APLF: variants seen among roughly 807,000 people sequenced by gnomAD.
APLF encodes aprataxin and PNKP like factor, also known as aprataxin and PNK-like factor.
A neutral mutation model predicts 55.6 loss-of-function variants in APLF; 61 were observed. The observed-to-expected ratio is 1.10, with a 90% CI of 0.89 to 1.36. The LOEUF is 1.36. Among genes scored for constraint, APLF ranks in the 40% most tolerant of loss-of-function variants. The pLI is 0.00. For missense variants in APLF, 611 were observed against 602.5 expected (o/e 1.01, Z -0.15); for synonymous variants, 207 against 214.8 (o/e 0.96, Z 0.32).
intron 1 of APLF, among the ~76,000 whole-genome samples, chr2:68,488,036 C>T (rs141292584): frequency 2.0e-4 from 30 of 151,890 alleles, no homozygotes; most frequent in African/African-American, 7.2e-4. Flanking sequence ...CAAAGAAAGA[C>T]AGAGATAGGA....
chr2:68,551,542 A>T (rs1670859949), intron 8 of APLF, among the ~76,000 whole-genome samples: 2 of 150,344 alleles, frequency 1.3e-5, no homozygotes, highest in South Asian at 4.2e-4. Context: ...CCATTCAAAG[A>T]GTTCCTAATT....
intron 1 of APLF, among the ~76,000 whole-genome samples, chr2:68,474,136 G>C (rs1416380876): frequency 1.3e-5 from 2 of 152,192 alleles, no homozygotes. Context: ...GTAAGCTATG[G>C]GAAGGGATAC....
chr2:68,523,403 A>G (rs1669947408), intron 5 of APLF, among the ~76,000 whole-genome samples: 2 of 147,860 alleles, frequency 1.4e-5, no homozygotes, highest in South Asian at 2.1e-4. Context: ...ATTTTTAAAT[A>G]TACAATACAC....
At chr2:68,488,370 C>G (rs1456632874) in intron 1 of APLF, among the ~76,000 whole-genome samples, 1 of 150,180 alleles carries the variant, frequency 6.7e-6, no homozygotes, top group African/African-American at 2.5e-5. Flanking sequence ...TCACCGTGTC[C>G]CCCAGGCTGG....
At chr2:68,517,988 A>T (rs980123635) in intron 5 of APLF, among the ~76,000 whole-genome samples, 1 of 140,216 alleles carries the variant, frequency 7.1e-6, no homozygotes, top group Admixed American at 7.4e-5. Flanking sequence ...ATATATCACT[A>T]ATATGTGTTA....
intron 1 of APLF, among the ~76,000 whole-genome samples, chr2:68,485,023 A>G (rs1356050133): frequency 6.6e-6 from 1 of 152,084 alleles, no homozygotes; most frequent in Admixed American, 6.5e-5. Flanking sequence ...TTGAAAGTAC[A>G]TACATGCATT....
chr2:68,495,935 T>C (rs1007363681), intron 2 of APLF, among the ~76,000 whole-genome samples: 11 of 152,240 alleles, frequency 7.2e-5, no homozygotes, highest in Admixed American at 1.3e-4. Context: ...TGGATAGCAC[T>C]GTCCCAAGGC....
intron 8 of APLF, among the ~76,000 whole-genome samples, chr2:68,550,178 GT>G (rs754057035): frequency 3.7e-4 from 56 of 152,068 alleles, no homozygotes; most frequent in Non-Finnish European, 7.2e-4. Flanking sequence ...TGCTTCATTG[GT>G]TTTTATTTTT....
intron 8 of APLF, among the ~76,000 whole-genome samples, chr2:68,553,943 T>C (rs961567749): frequency 6.6e-6 from 1 of 152,132 alleles, no homozygotes; most frequent in Non-Finnish European, 1.5e-5. Flanking sequence ...TTTTAATCAC[T>C]GGAATGTGTG....
At chr2:68,509,452 C>A (rs2103945513) in intron 3 of APLF, among the ~76,000 whole-genome samples, 1 of 152,178 alleles carries the variant, frequency 6.6e-6, no homozygotes, top group Admixed American at 6.5e-5. Context: ...ATGCAGCCAA[C>A]AGACACATGA....
intron 3 of APLF, among the ~76,000 whole-genome samples, chr2:68,512,578 A>G (rs1669418502): frequency 6.6e-6 from 1 of 151,840 alleles, no homozygotes; most frequent in African/African-American, 2.4e-5. Flanking sequence ...CTGTTCCAGA[A>G]CATTTAGCTT....
At chr2:68,498,018 A>G (rs749666848) in intron 2 of APLF, among the ~76,000 whole-genome samples, 19 of 152,216 alleles carry the variant, frequency 1.2e-4, no homozygotes, top group Non-Finnish European at 2.8e-4. Context: ...TCAGCAGCTT[A>G]TTGTAGCTGC....
Position 68,545,196 on chromosome 2 carries a change from T to C in APLF, c.1170T>C (p.Pro390=). ...MYGANCYRKN[P]VHFQHFSHPG... Reference sequence around the variant, plus strand: ...TTTGTCGCCCTCCTAGGAAGAATCCTGTTCATTTTCAACATTTTAGCCATC... The same window carrying C: ...TTTGTCGCCCTCCTAGGAAGAATCCCGTTCATTTTCAACATTTTAGCCATC... Residue 390 remains proline, a synonymous_variant, in exon 8 of 10, where the codon CCT becomes CCC. Coordinates refer to ENST00000303795, the MANE Select transcript of APLF (RefSeq NM_173545.3). 1.2e-6 allele frequency: 2 copies of C among 1,613,558 alleles called. No homozygotes were observed. Among genetic ancestry groups the C allele is most frequent in the Non-Finnish European group, 1.7e-6 (2 of 1,179,678 alleles).
chr2:68,545,456 A>C, intron 8 of APLF, 144 bp downstream of exon 8: 1 of 1,046,314 alleles, frequency 9.6e-7, no homozygotes. Context: ...CATGTTGGTA[A>C]TAGGTAGGAT....
chr2:68,518,941 T>C (rs1267999113), intron 5 of APLF, among the ~76,000 whole-genome samples: 4 of 123,532 alleles, frequency 3.2e-5, no homozygotes, highest in African/African-American at 1.3e-4. Context: ...ATTAATATAT[T>C]ATATAATATT....
chr2:68,472,583 AGAAG>A (rs1461747361), intron 1 of APLF, among the ~76,000 whole-genome samples: 4 of 152,198 alleles, frequency 2.6e-5, no homozygotes, highest in African/African-American at 9.6e-5. Flanking sequence ...GAGAGGTATA[AGAAG>A]GAACCTGAAG....
chr2:68,528,125 A>C (rs1670133412), intron 6 of APLF: 1 of 580,966 alleles, frequency 1.7e-6, no homozygotes, highest in Non-Finnish European at 3.1e-6. Context: ...GGTGCTCCTC[A>C]CTTCCCAGAT....
intron 2 of APLF, among the ~76,000 whole-genome samples, chr2:68,498,651 A>G (rs370684033): frequency 2.9e-4 from 44 of 152,370 alleles, no homozygotes; most frequent in African/African-American, 1.0e-3. Flanking sequence ...ACAGCCTAGT[A>G]TCAGCAGGGA....
chr2:68,563,993 T>C (rs900494771), intron 8 of APLF, among the ~76,000 whole-genome samples: 2 of 152,112 alleles, frequency 1.3e-5, no homozygotes, highest in Non-Finnish European at 2.9e-5. Context: ...TGAAATTTTT[T>C]CAAAATAAAA....
Sources: allele counts gnomAD v4.1 joint callset (sites outside exome capture counted in the v4.1 genomes callset), GRCh38; gene constraint gnomAD v4.1.1; transcripts MANE v1.5; gene names NCBI Gene and HGNC (gene_info 2026-07-23, HGNC 2026-07-21).